TBC1D5: variants seen among roughly 807,000 people sequenced by gnomAD.
TBC1D5 encodes TBC1 domain family member 5.
A neutral mutation model predicts 100.3 loss-of-function variants in TBC1D5; 75 were observed. The ratio of observed to expected loss-of-function variants is 0.75; its 90% CI spans 0.62 to 0.91. The LOEUF (loss-of-function observed/expected upper bound fraction) is 0.91. Ranked by LOEUF, TBC1D5 falls within the 40% of genes least tolerant of loss-of-function variation. The pLI, the probability that TBC1D5 is intolerant of heterozygous loss-of-function variation, is 0.00. For missense variants in TBC1D5, 910 were observed against 942.4 expected, an observed-to-expected ratio of 0.97 and a Z score of 0.45; for synonymous variants, 323 against 325.6, an observed-to-expected ratio of 0.99 and a Z score of 0.09.
At chr3:17,603,393 C>T (rs2061122902) in intron 2 of TBC1D5, among the ~76,000 whole-genome samples, 1 of 152,088 alleles carries the variant, frequency 6.6e-6, no homozygotes. Context: ...ACGAAAGCAA[C>T]CTCTGGTCAT....
intron 1 of TBC1D5, among the ~76,000 whole-genome samples, chr3:17,719,812 A>G (rs1259080903): frequency 6.6e-6 from 1 of 152,214 alleles, no homozygotes; most frequent in African/African-American, 2.4e-5. Context: ...CCAAAGCTCA[A>G]AATAGGAAAT....
intron 2 of TBC1D5, among the ~76,000 whole-genome samples, chr3:17,522,427 A>G (rs1164050677): frequency 6.6e-6 from 1 of 152,158 alleles, no homozygotes; most frequent in African/African-American, 2.4e-5. Flanking sequence ...AAGGTGAAAA[A>G]AAGGATACAG....
rs182491918 is a variant in TBC1D5 at position 17,162,710 on chromosome 3, T to C, written c.2095-1454A>G. Among the ~76,000 whole-genome samples the C allele has an allele frequency of 2.9e-3, 443 of 152,308 alleles. 2 individuals carry two copies. The highest frequency in any genetic ancestry group is 3.6e-3 in the Non-Finnish European group (246 of 68,028). On this transcript the variant is annotated intron_variant, in intron 21 of 21. Transcript: ENST00000253692. ...AGAGCTGTTTGGTAGAGAAGGACTG[T>C]CTTTTTTCTGAGTTGGAGGAAAAGA...
At chr3:17,310,956 T>C (rs1044059894) in intron 13 of TBC1D5, among the ~76,000 whole-genome samples, 2 of 152,028 alleles carry the variant, frequency 1.3e-5, no homozygotes, top group East Asian at 3.8e-4. Flanking sequence ...TTAGTTCTTA[T>C]ATATATTCAC....
chr3:17,399,580 G>T (rs1383920618), intron 8 of TBC1D5, among the ~76,000 whole-genome samples: 1 of 152,026 alleles, frequency 6.6e-6, no homozygotes, highest in East Asian at 1.9e-4. Flanking sequence ...TGCTTTTCCA[G>T]CTTCCATTCT....
chr3:17,598,196 T>C (rs895123975), intron 2 of TBC1D5, among the ~76,000 whole-genome samples: 4 of 152,212 alleles, frequency 2.6e-5, no homozygotes, highest in Non-Finnish European at 5.9e-5. Context: ...CTCCAAGAGA[T>C]GAAAAATTCC....
Position 17,283,609 on chromosome 3 carries a change from A to T in TBC1D5, c.1245+8286T>A, listed in dbSNP as rs184413445. On this transcript the variant is annotated intron_variant, in intron 15 of 21. Coordinates refer to ENST00000253692, the Ensembl canonical transcript of TBC1D5. ...AGAGGTGTGAGTGAGTGTGCTTACCAAGGGAGAAATTCATTTAAGACTACT... is the reference window on the plus strand; with the variant it reads ...AGAGGTGTGAGTGAGTGTGCTTACCTAGGGAGAAATTCATTTAAGACTACT... Among the ~76,000 whole-genome samples the T allele has an allele frequency of 4.6e-5, 7 of 152,246 alleles. No individual in the cohort carries two copies. The East Asian group carries it at 1.4e-3, about 29-fold the overall frequency.
intron 2 of TBC1D5, chr3:17,562,125 C>T (rs890391505): frequency 6.6e-6 from 1 of 151,822 alleles, no homozygotes; most frequent in African/African-American, 2.4e-5. Context: ...GCCTGGATGA[C>T]AGAGTGAGAC....
At chr3:17,615,069 G>A (rs779958501) in intron 2 of TBC1D5, among the ~76,000 whole-genome samples, 8 of 152,094 alleles carry the variant, frequency 5.3e-5, no homozygotes, top group Non-Finnish European at 8.8e-5. Flanking sequence ...TCAATACCTA[G>A]TTTATTGAGA....
intron 1 of TBC1D5, among the ~76,000 whole-genome samples, chr3:17,696,495 T>A (rs1446892341): frequency 6.6e-6 from 1 of 151,842 alleles, no homozygotes; most frequent in East Asian, 1.9e-4. Flanking sequence ...AACTAGAAAA[T>A]CTAGAAGAAA....
At chr3:17,704,224 G>A (rs1330638572) in intron 1 of TBC1D5, among the ~76,000 whole-genome samples, 1 of 133,492 alleles carries the variant, frequency 7.5e-6, no homozygotes, top group Non-Finnish European at 1.6e-5. Flanking sequence ...GTTTCAGAGA[G>A]CACAGGGTTG....
At chr3:17,457,166 T>C (rs1007988907) in intron 3 of TBC1D5, among the ~76,000 whole-genome samples, 3 of 152,190 alleles carry the variant, frequency 2.0e-5, no homozygotes, top group Non-Finnish European at 4.4e-5. Context: ...TTGTTGGTTT[T>C]TAAATTTTTA....
At position 17,738,405 on chromosome 3, in the gene TBC1D5, T is replaced by A. The variant is rs778252052; in HGVS notation, c.-101+938A>T. Among the ~76,000 whole-genome samples, 60 of 151,978 alleles carry A rather than the reference T, an allele frequency of 3.9e-4. 1 individual carries two copies. The highest frequency in any genetic ancestry group is 7.7e-4 in the Non-Finnish European group (52 of 67,906). On this transcript the variant is annotated intron_variant, in intron 1 of 21. Coordinates refer to ENST00000253692, the Ensembl canonical transcript of TBC1D5. ...CATACACACACACACACACACACTC[T>A]CTCTCTCTCTCTAATTCTCAAAGTT...
intron 2 of TBC1D5, among the ~76,000 whole-genome samples, chr3:17,535,453 G>T (rs989390677): frequency 3.3e-5 from 5 of 152,070 alleles, no homozygotes; most frequent in Non-Finnish European, 7.4e-5. Flanking sequence ...CCCTTGCATG[G>T]GAAATCTTGT....
At chr3:17,235,105 T>C (rs970760879) in intron 17 of TBC1D5, among the ~76,000 whole-genome samples, 2 of 152,186 alleles carry the variant, frequency 1.3e-5, no homozygotes, top group African/African-American at 2.4e-5. Context: ...AGATCACTTA[T>C]TAATGTATAG....
At chr3:17,410,058 G>A (rs1215134949) in intron 4 of TBC1D5, among the ~76,000 whole-genome samples, 5 of 152,090 alleles carry the variant, frequency 3.3e-5, no homozygotes, top group Non-Finnish European at 7.4e-5. Flanking sequence ...AGAAGGCAAG[G>A]CCTGGTTTCA....
intron 4 of TBC1D5, among the ~76,000 whole-genome samples, chr3:17,415,617 A>G (rs890036032): frequency 1.3e-5 from 2 of 152,152 alleles, no homozygotes; most frequent in Admixed American, 6.5e-5. Context: ...TTTTGATTTT[A>G]TAACAAGCTT....
At chr3:17,262,781 G>A (rs1001561261) in intron 15 of TBC1D5, among the ~76,000 whole-genome samples, 3 of 151,752 alleles carry the variant, frequency 2.0e-5, no homozygotes, top group Non-Finnish European at 2.9e-5. Context: ...ACACCCGGCC[G>A]ACAATGTATT....
chr3:17,322,228 T>C (rs1638644342), intron 13 of TBC1D5, among the ~76,000 whole-genome samples: 1 of 152,240 alleles, frequency 6.6e-6, no homozygotes, highest in Non-Finnish European at 1.5e-5. Flanking sequence ...TCATTACACA[T>C]ACCTTCATTT....
Sources: allele counts gnomAD v4.1 joint callset (sites outside exome capture counted in the v4.1 genomes callset), GRCh38; gene constraint gnomAD v4.1.1; transcripts MANE v1.5; gene names NCBI Gene and HGNC (gene_info 2026-07-23, HGNC 2026-07-21).